Variants in NTNG1 observed in about 807,000 individuals in gnomAD.
The protein encoded by NTNG1 is netrin-G1.
NTNG1 carries 16 observed loss-of-function variants against 54.0 expected under a neutral mutation model. The ratio of observed to expected loss-of-function variants is 0.30; its 90% CI spans 0.20 to 0.45. NTNG1 has a LOEUF of 0.45. NTNG1 is among the 20% of genes least tolerant of loss of function. The probability of loss-of-function intolerance (pLI) is 1.00; values close to 1 mark genes in which losing one functional copy is unlikely to be tolerated. For synonymous variants in NTNG1, 255 were observed against 263.1 expected, an observed-to-expected ratio of 0.97 and a Z score of 0.30; for missense variants, 530 against 678.7, an observed-to-expected ratio of 0.78 and a Z score of 2.43.
At chr1:107,321,585 G>A (rs1283099828) in intron 2 of NTNG1, among the ~76,000 whole-genome samples, 2 of 152,052 alleles carry the variant, frequency 1.3e-5, no homozygotes, top group Admixed American at 6.6e-5. Flanking sequence ...TCCAGGATAC[G>A]ACTTCTGTAG....
At chr1:107,255,491 T>G (rs1408969255) in intron 2 of NTNG1, among the ~76,000 whole-genome samples, 1 of 152,206 alleles carries the variant, frequency 6.6e-6, no homozygotes, top group Non-Finnish European at 1.5e-5. Context: ...GAAAATATAT[T>G]TAAGGCCTTT....
chr1:107,449,125 G>T (rs1178671028), intron 7 of NTNG1, among the ~76,000 whole-genome samples: 1 of 150,466 alleles, frequency 6.6e-6, no homozygotes, highest in African/African-American at 2.4e-5. Context: ...GAGCAGAACT[G>T]TACTTGTTGA....
At chr1:107,424,013 T>C (rs1277941436) in intron 5 of NTNG1, among the ~76,000 whole-genome samples, 1 of 152,160 alleles carries the variant, frequency 6.6e-6, no homozygotes, top group Non-Finnish European at 1.5e-5. Flanking sequence ...GTAGTTATAA[T>C]TGTGCACAAA....
intron 5 of NTNG1, among the ~76,000 whole-genome samples, chr1:107,415,202 C>T (rs1042590487): frequency 6.6e-6 from 1 of 152,110 alleles, no homozygotes; most frequent in Non-Finnish European, 1.5e-5. Context: ...GAATGATTTG[C>T]CATTTACAAG....
chr1:107,196,869 C>A (rs1306997680), intron 2 of NTNG1, among the ~76,000 whole-genome samples: 7 of 151,734 alleles, frequency 4.6e-5, no homozygotes, highest in African/African-American at 1.7e-4. Context: ...TCCCAAATAT[C>A]AGCTCTAATG....
At chr1:107,300,176 C>T (rs1437556704) in intron 2 of NTNG1, among the ~76,000 whole-genome samples, 6 of 152,092 alleles carry the variant, frequency 3.9e-5, no homozygotes, top group East Asian at 1.9e-4. Context: ...CACGTACTGA[C>T]GCTGAAAGGA....
At chr1:107,428,491 G>T (rs1194694906) in intron 5 of NTNG1, among the ~76,000 whole-genome samples, 1 of 151,978 alleles carries the variant, frequency 6.6e-6, no homozygotes, top group African/African-American at 2.4e-5. Flanking sequence ...TTTGAACAAA[G>T]CTCTATTAAT....
intron 5 of NTNG1, among the ~76,000 whole-genome samples, chr1:107,422,914 C>G (rs773316206): frequency 6.6e-6 from 1 of 152,100 alleles, no homozygotes; most frequent in East Asian, 1.9e-4. Context: ...ACAGTAAAAA[C>G]GAGGATGCAA....
intron 2 of NTNG1, among the ~76,000 whole-genome samples, chr1:107,217,602 C>T (rs902780484): frequency 2.6e-5 from 4 of 152,132 alleles, no homozygotes; most frequent in Non-Finnish European, 4.4e-5. Flanking sequence ...TATGAACTTT[C>T]CTCTTAGCAC....
intron 2 of NTNG1, among the ~76,000 whole-genome samples, chr1:107,191,024 C>G (rs1420799437): frequency 6.6e-6 from 1 of 152,186 alleles, no homozygotes; most frequent in Non-Finnish European, 1.5e-5. Context: ...AATGGTTGAA[C>G]TAGTTTACAG....
At chr1:107,472,021 A>ATCCTGCTT (rs1397208877) in intron 7 of NTNG1, among the ~76,000 whole-genome samples, 1 of 152,194 alleles carries the variant, frequency 6.6e-6, no homozygotes, top group Non-Finnish European at 1.5e-5. Context: ...AAGTGTTATT[A>ATCCTGCTT]TCCTGCTTGT....
chr1:107,203,596 A>AGCTATGTG (rs1658931625), intron 2 of NTNG1, among the ~76,000 whole-genome samples: 1 of 151,302 alleles, frequency 6.6e-6, no homozygotes, highest in Non-Finnish European at 1.5e-5. Flanking sequence ...GTGTGTATAT[A>AGCTATGTG]TATACACATA....
At chr1:107,356,871 C>A (rs773196181) in intron 3 of NTNG1, among the ~76,000 whole-genome samples, 6 of 151,962 alleles carry the variant, frequency 3.9e-5, no homozygotes, top group Non-Finnish European at 8.8e-5. Context: ...GGCATGTTGG[C>A]GCATACCTGT....
chr1:107,407,681 G>T lies in NTNG1; in HGVS notation c.1061-1G>T. On this transcript the variant is annotated splice_acceptor_variant, in intron 4 of 7. Coordinates refer to ENST00000370068, the MANE Select transcript of NTNG1 (RefSeq NM_001113226.3). LOFTEE classifies it high-confidence loss of function. The stretch of plus-strand genomic sequence containing the variant: ...TTCTTTATTGTTTTCTTTTTCTCCA[G>T]GTATCCCCAGTATTTCCAGTATTGG... 6.2e-7 allele frequency: 1 copy of T among 1,602,004 alleles called. No homozygotes were observed. Among genetic ancestry groups the T allele is most frequent in the South Asian group, 1.1e-5 (1 of 88,666 alleles).
intron 4 of NTNG1, among the ~76,000 whole-genome samples, chr1:107,403,373 G>A (rs959449965): frequency 2.0e-4 from 31 of 152,032 alleles, no homozygotes; most frequent in African/African-American, 6.3e-4. Context: ...TAGAAGAAGC[G>A]TTATTATTAA....
intron 7 of NTNG1, among the ~76,000 whole-genome samples, chr1:107,473,665 T>C (rs1043510302): frequency 4.6e-5 from 7 of 152,210 alleles, no homozygotes; most frequent in African/African-American, 1.7e-4. Context: ...GAAAAATAGA[T>C]AGAAGTAAGA....
chr1:107,205,505 T>C (rs1659109419), intron 2 of NTNG1, among the ~76,000 whole-genome samples: 1 of 152,164 alleles, frequency 6.6e-6, no homozygotes, highest in Non-Finnish European at 1.5e-5. Flanking sequence ...GTATATATTA[T>C]TGTTAAAAGT....
chr1:107,238,191 G>A (rs937765205), intron 2 of NTNG1, among the ~76,000 whole-genome samples: 3 of 152,194 alleles, frequency 2.0e-5, no homozygotes, highest in Admixed American at 2.0e-4. Flanking sequence ...TCAAAGGAGA[G>A]CATTTTGGGG....
At chr1:107,462,322 A>G (rs1281389361) in intron 7 of NTNG1, among the ~76,000 whole-genome samples, 2 of 152,160 alleles carry the variant, frequency 1.3e-5, no homozygotes, top group Admixed American at 6.5e-5. Flanking sequence ...AGCTCACAGA[A>G]TTGGGTGGGT....
Sources: allele counts gnomAD v4.1 joint callset (sites outside exome capture counted in the v4.1 genomes callset), GRCh38; gene constraint gnomAD v4.1.1; transcripts MANE v1.5; gene names NCBI Gene and HGNC (gene_info 2026-07-23, HGNC 2026-07-21).